The following PHLPP1 variants were observed in gnomAD, a reference collection of about 807,000 sequenced individuals.
The protein encoded by PHLPP1 is PH domain and leucine rich repeat protein phosphatase 1.
PHLPP1 carries 42 observed loss-of-function variants against 117.2 expected under a neutral mutation model. The observed-to-expected ratio is 0.36, with a 90% confidence interval of 0.28 to 0.46. The LOEUF is 0.46. Ranked by LOEUF, PHLPP1 falls within the 20% of genes least tolerant of loss-of-function variation. PHLPP1 has a pLI of 1.00. For synonymous variants in PHLPP1, 1,042 were observed against 970.7 expected, an observed-to-expected ratio of 1.07 and a Z score of -1.37; for missense variants, 2,084 against 2,241.9, an observed-to-expected ratio of 0.93 and a Z score of 1.42.
intron 1 of PHLPP1, among the ~76,000 whole-genome samples, chr18:62,746,438 T>C (rs904070214): frequency 6.6e-6 from 1 of 152,368 alleles, no homozygotes; most frequent in African/African-American, 2.4e-5. Flanking sequence ...CAATTTGCTT[T>C]TCTTCTTCCT....
chr18:62,785,228 C>G, intron 1 of PHLPP1, among the ~76,000 whole-genome samples: 1 of 152,156 alleles, frequency 6.6e-6, no homozygotes, highest in East Asian at 1.9e-4. Context: ...ATGTCACAGT[C>G]AGTAGATAAA....
chr18:62,902,900 A>T (rs1400629650), intron 6 of PHLPP1, 64 bp from the exon 7 acceptor site: 1 of 939,116 alleles, frequency 1.1e-6, no homozygotes, highest in Non-Finnish European at 1.7e-6. Flanking sequence ...TTCTCATATT[A>T]GGGTGTGCCC....
chr18:62,889,669 C>T (rs1196041296), intron 4 of PHLPP1: 2 of 152,284 alleles, frequency 1.3e-5, no homozygotes, highest in East Asian at 3.9e-4. Context: ...GGAGGATGAA[C>T]CCAGGGAAGA....
At chr18:62,903,801 T>A (rs1916783821) in intron 7 of PHLPP1, among the ~76,000 whole-genome samples, 1 of 151,494 alleles carries the variant, frequency 6.6e-6, no homozygotes. Flanking sequence ...AAAGATAATT[T>A]AAAAAAGATA....
intron 14 of PHLPP1, among the ~76,000 whole-genome samples, chr18:62,969,066 G>T (rs1910982088): frequency 6.6e-6 from 1 of 150,856 alleles, no homozygotes; most frequent in Admixed American, 6.6e-5. Context: ...GGGTTTTTTT[G>T]TTTGTTTTGT....
intron 1 of PHLPP1, among the ~76,000 whole-genome samples, chr18:62,790,770 T>C (rs1485321224): frequency 6.6e-6 from 1 of 152,058 alleles, no homozygotes; most frequent in Admixed American, 6.6e-5. Flanking sequence ...TGCCGTTAGT[T>C]GAGTGGGAGT....
rs565717533 is a variant in PHLPP1, at chr18:62,842,636, T to C, written c.1899+3727T>C. Among the ~76,000 whole-genome samples the C allele has an allele frequency of 3.7e-4, 56 of 152,312 alleles. 1 individual carries two copies. The South Asian group carries it at 0.011, about 30-fold the overall frequency. On this transcript the variant is annotated intron_variant, in intron 3 of 16. Coordinates refer to ENST00000262719, the MANE Select transcript of PHLPP1 (RefSeq NM_194449.4). The stretch of plus-strand genomic sequence containing the variant: ...GCCTCAGCCTCCCAAAGTGCTGGGA[T>C]TACAGGCGTGAGCCACCGTGCCTGG...
intron 2 of PHLPP1, among the ~76,000 whole-genome samples, chr18:62,833,895 A>G (rs1162021722): frequency 1.3e-5 from 2 of 152,166 alleles, no homozygotes; most frequent in African/African-American, 2.4e-5. Context: ...TACCTTTTCT[A>G]AGACAGTAGT....
chr18:62,824,765 G>T (rs1914563883), intron 1 of PHLPP1, among the ~76,000 whole-genome samples: 1 of 151,988 alleles, frequency 6.6e-6, no homozygotes, highest in African/African-American at 2.4e-5. Context: ...TGAAAAAAAT[G>T]ACAAGGTCTT....
chr18:62,892,275 G>A (rs1599105955), intron 4 of PHLPP1, among the ~76,000 whole-genome samples: 2 of 151,574 alleles, frequency 1.3e-5, no homozygotes, highest in African/African-American at 4.8e-5. Context: ...TTTTAGTAGA[G>A]ACAGGGTTTC....
intron 4 of PHLPP1, among the ~76,000 whole-genome samples, chr18:62,869,623 T>G (rs2062081615): frequency 1.3e-5 from 2 of 152,344 alleles, no homozygotes; most frequent in South Asian, 2.1e-4. Flanking sequence ...TCACTGACTT[T>G]TCTTTTAAAA....
chr18:62,849,821 AAAAAAAAAAAAAT>A, intron 3 of PHLPP1, among the ~76,000 whole-genome samples: 1 of 94,752 alleles, frequency 1.1e-5, no homozygotes, highest in East Asian at 2.7e-4. Context: ...AAAAAAAAAA[AAAAAAAAAAAAAT>A]ATATATATCC....
chr18:62,914,120 C>T (rs1917036670), intron 8 of PHLPP1, among the ~76,000 whole-genome samples: 1 of 152,142 alleles, frequency 6.6e-6, no homozygotes, highest in Non-Finnish European at 1.5e-5. Flanking sequence ...AATTCTGAGT[C>T]TTAACTGTCA....
rs1273461514 is a variant in PHLPP1 at position 62,895,692 on chromosome 18, TAC to T, written c.2214-88_2214-87del. ...CGAAGAATAATACATTTTCTGGTAA[TAC>T]GGTCTACACTTATGGAACTTGTATG... is the stretch of plus-strand genomic sequence containing the variant. On this transcript the variant is annotated intron_variant, in intron 5 of 16. Transcript: ENST00000262719. 5 of 832,910 alleles carry T rather than the reference TAC, an allele frequency of 6.0e-6. No homozygotes were observed. In the East Asian group the frequency reaches 1.2e-4, roughly 20 times the overall value. 51.6% of individuals were successfully genotyped at this position (832,910 alleles called of 1,614,324 possible).
intron 10 of PHLPP1, among the ~76,000 whole-genome samples, chr18:62,931,604 A>AG (rs1220495672): frequency 6.6e-6 from 1 of 151,396 alleles, no homozygotes; most frequent in African/African-American, 2.4e-5. Context: ...ATTAACAAAA[A>AG]AAAAAAAGGG....
At position 62,860,465 on chromosome 18, in the gene PHLPP1, C is replaced by T. The variant is rs1343366714; in HGVS notation, c.1930C>T (p.Leu644Phe). 13 of 1,613,838 alleles carry T rather than the reference C, an allele frequency of 8.1e-6. No homozygotes were observed. The highest frequency in any genetic ancestry group is 1.1e-5 in the Non-Finnish European group (13 of 1,179,832). Reference sequence around the variant, plus strand: ...ATCCCAGCGCATTAGCTCAGTGGACCTCTCGTGTTGTAGCCTGGAACATCT... The same window carrying T: ...ATCCCAGCGCATTAGCTCAGTGGACTTCTCGTGTTGTAGCCTGGAACATCT... ...VASQRISSVD[L>F]SCCSLEHLPA... The change falls in exon 4 of 17, where the codon CTC becomes TTC. Residue 644 changes from leucine (L) to phenylalanine (F), a missense_variant. This residue lies in a region of PHLPP1 where 1,365 missense variants were observed against 1,605.9 expected (regional missense o/e 0.85). Transcript: ENST00000262719.
At chr18:62,804,839 A>G (rs996933129) in intron 1 of PHLPP1, among the ~76,000 whole-genome samples, 2 of 148,870 alleles carry the variant, frequency 1.3e-5, no homozygotes, top group African/African-American at 2.5e-5. Context: ...TTATACATAT[A>G]CAGTATAATA....
At chr18:62,822,428 C>G (rs959012578) in intron 1 of PHLPP1, among the ~76,000 whole-genome samples, 1 of 151,554 alleles carries the variant, frequency 6.6e-6, no homozygotes, top group Non-Finnish European at 1.5e-5. Context: ...ACTGCAGACA[C>G]CCGCCACCAC....
rs73963645 is a variant in PHLPP1, at chr18:62,973,336, G to A, written c.3755+628G>A. ...TGTGGAATATTGTTTGTAACTCTTAGAGGAATGAGGATTCCTTCATTCAGA... is the reference window on the plus strand; with the variant it reads ...TGTGGAATATTGTTTGTAACTCTTAAAGGAATGAGGATTCCTTCATTCAGA... On this transcript the variant is annotated intron_variant, in intron 15 of 16. Transcript: ENST00000262719. Among the ~76,000 whole-genome samples the A allele has an allele frequency of 5.0e-3, 768 of 152,298 alleles. 5 individuals are homozygous for A. The highest frequency in any genetic ancestry group is 0.018 in the African/African-American group (729 of 41,568).
Sources: allele counts gnomAD v4.1 joint callset (sites outside exome capture counted in the v4.1 genomes callset), GRCh38; gene constraint gnomAD v4.1.1; regional missense constraint gnomAD v4.1.1; transcripts MANE v1.5; gene names NCBI Gene and HGNC (gene_info 2026-07-23, HGNC 2026-07-21).